The following PML variants were observed in gnomAD, a reference collection of about 807,000 sequenced individuals.
The protein encoded by PML is PML nuclear body scaffold.
Under a neutral mutation model 65.2 loss-of-function variants are expected in PML, and 28 were observed. That is an observed-to-expected ratio of 0.43 (90% CI 0.32 to 0.59). The LOEUF (loss-of-function observed/expected upper bound fraction) is 0.59. PML is among the 20% of genes least tolerant of loss of function. PML has a pLI of 0.08. For synonymous variants in PML, 500 were observed against 508.8 expected (o/e 0.98, Z 0.23); for missense variants, 1,021 against 1,203.4 (o/e 0.85, Z 2.24).
intron 2 of PML, among the ~76,000 whole-genome samples, chr15:74,017,373 G>T (rs1272278195): frequency 2.0e-5 from 3 of 152,132 alleles, no homozygotes; most frequent in Non-Finnish European, 4.4e-5. Flanking sequence ...CTGGCTGGGC[G>T]CAGTGGCTCA....
chr15:74,011,008 C>A (rs11072463), intron 2 of PML, among the ~76,000 whole-genome samples: 93,767 of 152,034 alleles, frequency 0.62, 29,032 homozygotes, highest in Non-Finnish European at 0.65. Flanking sequence ...GATGTAAGTG[C>A]ATAGGGGTCA....
intron 3 of PML, among the ~76,000 whole-genome samples, 176 bp from the exon 4 acceptor site, chr15:74,024,681 C>A (rs183792293): frequency 1.3e-5 from 2 of 152,184 alleles, no homozygotes; most frequent in East Asian, 1.9e-4. Context: ...CCACTGCATT[C>A]GAGAGAGCTC....
chr15:74,044,565 A>G lies in PML; in HGVS notation c.2206A>G (p.Arg736Gly). ...GAACCTGGCCCAGACCTACCTGGCG[A>G]GAAACATGAGCGAGCGCAGCGCCAT... ...LKNLAQTYLA[R>G]NMSERSAMAA... The change falls in exon 9 of 9, where the codon AGA becomes GGA. Residue 736 changes from arginine to glycine, a missense_variant. Physicochemically the swap from Arg to Gly is moderately radical, Grantham distance 125. Coordinates refer to ENST00000268058, the MANE Select transcript of PML (RefSeq NM_033238.3). The G allele has an allele frequency of 6.2e-7, 1 of 1,612,504 alleles. No homozygotes were observed. Among genetic ancestry groups the G allele is most frequent in the Non-Finnish European group, 8.5e-7 (1 of 1,180,024 alleles).
chr15:74,018,875 C>A (rs12324082), intron 2 of PML, among the ~76,000 whole-genome samples: 1 of 152,158 alleles, frequency 6.6e-6, no homozygotes, highest in African/African-American at 2.4e-5. Flanking sequence ...ACGGTTAAGT[C>A]TGGGTTCTTG....
chr15:74,024,781 C>G, intron 3 of PML, 76 bp from the exon 4 acceptor site: 1 of 1,061,678 alleles, frequency 9.4e-7, no homozygotes, highest in South Asian at 1.3e-5. Flanking sequence ...GACCTCCTCT[C>G]TATCACTGTC....
intron 2 of PML, among the ~76,000 whole-genome samples, chr15:74,005,044 G>T (rs1008010981): frequency 8.6e-5 from 13 of 150,956 alleles, no homozygotes; most frequent in African/African-American, 3.2e-4. Flanking sequence ...CCCTTCATTT[G>T]TTTATTTTAT....
At chr15:74,003,171 C>T (rs1288349413) in intron 2 of PML, among the ~76,000 whole-genome samples, 7 of 151,794 alleles carry the variant, frequency 4.6e-5, no homozygotes, top group Non-Finnish European at 8.8e-5. Context: ...CAGTGGCTCA[C>T]GCTTGTAATC....
At chr15:74,036,472 C>T (rs1463353860) in intron 7 of PML, 2 of 1,239,734 alleles carry the variant, frequency 1.6e-6, no homozygotes, top group African/African-American at 3.0e-5. Flanking sequence ...TCTCTCTTCC[C>T]TATGCTGGAA....
At chr15:74,033,453 G>C (rs373786795) in intron 6 of PML, 39 bp downstream of exon 6, 2 of 1,608,330 alleles carry the variant, frequency 1.2e-6, no homozygotes, top group South Asian at 2.2e-5. Context: ...GGTGCTGCCC[G>C]CCAGGGTCTG....
chr15:74,036,948 T>C lies in PML; in HGVS notation c.1710+2418T>C, dbSNP rs2071581892. On this transcript the variant is annotated intron_variant, in intron 7 of 8. Transcript: ENST00000268058. ...GCTCTCAGTCCTACCTTCGCCTCCC[T>C]CCAGCCCCGCGCACTCCCCATTTCA... 7 of 985,242 alleles carry C rather than the reference T, an allele frequency of 7.1e-6. No homozygotes were observed. The South Asian group carries it at 2.3e-4, about 33-fold the overall frequency. The allele number at this position is 985,242 out of a possible 1,614,324, so 61.0% of individuals were successfully genotyped here.
At chr15:74,011,129 G>T (rs1412086084) in intron 2 of PML, among the ~76,000 whole-genome samples, 1 of 152,098 alleles carries the variant, frequency 6.6e-6, no homozygotes, top group Non-Finnish European at 1.5e-5. Flanking sequence ...TTCACAGAAG[G>T]GTTTACTCCT....
Position 74,043,851 on chromosome 15 carries a change from G to C in PML, c.1862-370G>C. On this transcript the variant is annotated intron_variant, in intron 8 of 8. Transcript: ENST00000268058. The surrounding 1 kb of genome is among the most constrained non-coding windows in gnomAD (Gnocchi z 4.3). ...GGGTCCTTGAGGGGATTGGAGGAAG[G>C]AGCATGGGATGGAGAGCTAAGTTCA... is the stretch of plus-strand genomic sequence containing the variant. The C allele has an allele frequency of 1.9e-6, 1 of 523,196 alleles. No homozygotes were observed. 32.4% of individuals were successfully genotyped at this position (523,196 alleles called of 1,614,324 possible).
rs2071720120 is a variant in PML at position 74,042,652 on chromosome 15, G to A, written c.1711-337G>A. The A allele has an allele frequency of 1.0e-6, 1 of 985,262 alleles. No homozygotes were observed. The highest frequency in any genetic ancestry group is 6.1e-5 in the Admixed American group (1 of 16,266). 61.0% of individuals were successfully genotyped at this position (985,262 alleles called of 1,614,324 possible). A position where few individuals can be genotyped will look rare whatever the true frequency, so the allele number is the denominator to read the frequency against. ...ACTTTCATACACTTGTGTCAACGCA[G>A]GTTCACAGCTCACACTTAACTGTGC... On this transcript the variant is annotated intron_variant, in intron 7 of 8. Transcript: ENST00000268058. The surrounding 1 kb of genome is among the most constrained non-coding windows in gnomAD (Gnocchi z 5.3).
intron 7 of PML, 114 bp downstream of exon 7, chr15:74,034,644 A>G: frequency 1.2e-6 from 2 of 1,608,548 alleles, no homozygotes; most frequent in Non-Finnish European, 1.7e-6. Flanking sequence ...GGAATTTTCC[A>G]GTGAGGCATT....
At chr15:74,024,973 G>C (rs751988208) in intron 4 of PML, 46 bp downstream of exon 4, 1 of 1,334,896 alleles carries the variant, frequency 7.5e-7, no homozygotes, top group Non-Finnish European at 1.1e-6. Flanking sequence ...GGGCCCAGCA[G>C]GTCAGGCAGG....
chr15:74,013,300 G>T (rs12908748), intron 2 of PML, among the ~76,000 whole-genome samples: 78,285 of 151,540 alleles, frequency 0.52, 20,647 homozygotes, highest in Non-Finnish European at 0.58. Context: ...GTTCAGTTTA[G>T]TAATATAACA....
intron 1 of PML, among the ~76,000 whole-genome samples, chr15:73,997,692 G>T (rs1026749245): frequency 6.6e-6 from 1 of 152,160 alleles, no homozygotes; most frequent in South Asian, 2.1e-4. Flanking sequence ...TTTATATGAG[G>T]TTGGTACTTA....
chr15:73,999,218 G>A (rs1189531191), intron 2 of PML, among the ~76,000 whole-genome samples: 1 of 152,172 alleles, frequency 6.6e-6, no homozygotes, highest in Non-Finnish European at 1.5e-5. Flanking sequence ...GCAGGTAGGA[G>A]CAATCTTATC....
intron 2 of PML, among the ~76,000 whole-genome samples, chr15:74,016,790 A>ATTTTTTTTTTTTT (rs1419052993): frequency 5.0e-4 from 32 of 64,440 alleles, no homozygotes; most frequent in Non-Finnish European, 9.1e-4. Flanking sequence ...AGGCAGTGGC[A>ATTTTTTTTTTTTT]TCTTTTTTTT....
Sources: gnomAD v4.1 joint callset for allele counts (sites outside exome capture counted in the v4.1 genomes callset) on GRCh38, gnomAD v4.1.1 for gene constraint, Gnocchi (gnomAD v3.1) non-coding constraint, MANE v1.5 for transcripts, NCBI Gene and HGNC (gene_info 2026-07-23, HGNC 2026-07-21) for gene names.